Variants in ANKS1B observed in about 807,000 individuals in gnomAD.
The protein encoded by ANKS1B is ankyrin repeat and sterile alpha motif domain-containing protein 1B.
A neutral mutation model predicts 148.3 loss-of-function variants in ANKS1B; 36 were observed. That is an observed-to-expected ratio of 0.24 (90% CI 0.19 to 0.32). The LOEUF (loss-of-function observed/expected upper bound fraction) is 0.32. ANKS1B is among the 10% of genes least tolerant of loss of function. The pLI is 1.00. For missense variants in ANKS1B, 1,157 were observed against 1,542.6 expected, an observed-to-expected ratio of 0.75 and a Z score of 4.19; for synonymous variants, 542 against 560.8, an observed-to-expected ratio of 0.97 and a Z score of 0.47.
At chr12:99,039,997 C>T (rs187266853) in intron 17 of ANKS1B, among the ~76,000 whole-genome samples, 73 of 152,252 alleles carry the variant, frequency 4.8e-4, no homozygotes, top group African/African-American at 1.7e-3. Flanking sequence ...TGCAGCCAGT[C>T]ACAAGGAGAT....
intron 17 of ANKS1B, among the ~76,000 whole-genome samples, chr12:98,848,648 T>G (rs1209073319): frequency 6.7e-6 from 1 of 150,310 alleles, no homozygotes; most frequent in African/African-American, 2.5e-5. Flanking sequence ...AACCTCCTCC[T>G]CCCAGGTTCA....
At chr12:99,007,415 C>T (rs566823931) in intron 17 of ANKS1B, among the ~76,000 whole-genome samples, 1 of 152,228 alleles carries the variant, frequency 6.6e-6, no homozygotes, top group Admixed American at 6.5e-5. Context: ...CTTCTATAAC[C>T]TGTTTATTGA....
At chr12:98,907,430 C>T (rs2152816435) in intron 17 of ANKS1B, among the ~76,000 whole-genome samples, 1 of 152,318 alleles carries the variant, frequency 6.6e-6, no homozygotes, top group Admixed American at 6.5e-5. Context: ...CTCCCTGTCT[C>T]ATGCTGGTCC....
intron 15 of ANKS1B, among the ~76,000 whole-genome samples, chr12:99,092,474 A>G (rs1250817134): frequency 6.6e-6 from 1 of 151,710 alleles, no homozygotes; most frequent in African/African-American, 2.4e-5. Flanking sequence ...GAAGCTGAAA[A>G]AAAAAAAAAA....
chr12:99,926,345 A>G (rs192545355), intron 1 of ANKS1B, among the ~76,000 whole-genome samples: 118 of 152,356 alleles, frequency 7.7e-4, no homozygotes, highest in Non-Finnish European at 8.5e-4. Context: ...AGGTGTTTAA[A>G]TCGGTAGACT....
At chr12:98,924,880 A>C (rs980451605) in intron 17 of ANKS1B, among the ~76,000 whole-genome samples, 1 of 152,248 alleles carries the variant, frequency 6.6e-6, no homozygotes, top group African/African-American at 2.4e-5. Flanking sequence ...ATAATAGTGC[A>C]GACTAATTTC....
intron 14 of ANKS1B, among the ~76,000 whole-genome samples, chr12:99,156,977 T>A (rs955151758): frequency 6.6e-6 from 1 of 152,210 alleles, no homozygotes; most frequent in Non-Finnish European, 1.5e-5. Context: ...TAAAATAAGA[T>A]AACTTGTTTT....
intron 11 of ANKS1B, among the ~76,000 whole-genome samples, chr12:99,416,876 G>T (rs1194358413): frequency 6.6e-6 from 1 of 152,098 alleles, no homozygotes; most frequent in Non-Finnish European, 1.5e-5. Flanking sequence ...AACCAGAGGT[G>T]CTAGTCACAC....
chr12:99,043,051 G>A (rs962203407), intron 17 of ANKS1B, among the ~76,000 whole-genome samples: 4 of 152,092 alleles, frequency 2.6e-5, no homozygotes, highest in Non-Finnish European at 5.9e-5. Context: ...TCATGTAGAT[G>A]GTTGTCTTCC....
chr12:99,813,875 G>A (rs2068750476), intron 2 of ANKS1B, among the ~76,000 whole-genome samples: 1 of 151,692 alleles, frequency 6.6e-6, no homozygotes, highest in Non-Finnish European at 1.5e-5. Context: ...ACCTGAGGCT[G>A]TGATTCCGGA....
chr12:99,157,273 C>A (rs967050030), intron 14 of ANKS1B, among the ~76,000 whole-genome samples: 1 of 152,200 alleles, frequency 6.6e-6, no homozygotes, highest in African/African-American at 2.4e-5. Flanking sequence ...ATTATAGCTT[C>A]TCCTAGGATC....
At chr12:98,901,296 T>C (rs1354644485) in intron 17 of ANKS1B, among the ~76,000 whole-genome samples, 1 of 152,204 alleles carries the variant, frequency 6.6e-6, no homozygotes. Flanking sequence ...ATTAGCTGAT[T>C]CCTGGTAGTT....
At chr12:98,894,283 T>G (rs1439449275) in intron 17 of ANKS1B, among the ~76,000 whole-genome samples, 1 of 151,494 alleles carries the variant, frequency 6.6e-6, no homozygotes, top group South Asian at 2.1e-4. Flanking sequence ...TTGGAAAATA[T>G]ACACTGTTAA....
In ANKS1B at chr12:99,220,951, T is replaced by A. The variant is rs144429822; in HGVS notation, c.2419+23391A>T. ...ATTATAATAAGATTCTTATATAATC[T>A]GGAAGTGAGGGAGGCCTTTTTAATA... On this transcript the variant is annotated intron_variant, in intron 14 of 26. Transcript: ENST00000683438. Among the ~76,000 whole-genome samples, 26 of 152,268 alleles carry A rather than the reference T, an allele frequency of 1.7e-4. No individual in the cohort carries two copies. In the East Asian group the frequency reaches 4.6e-3, roughly 27 times the overall value.
intron 14 of ANKS1B, among the ~76,000 whole-genome samples, chr12:99,212,780 T>A (rs2083525549): frequency 6.6e-6 from 1 of 152,200 alleles, no homozygotes; most frequent in Non-Finnish European, 1.5e-5. Context: ...TTGTATACCT[T>A]GAGACTTCCC....
chr12:99,932,020 A>G (rs1289846251), intron 1 of ANKS1B, among the ~76,000 whole-genome samples: 2 of 152,130 alleles, frequency 1.3e-5, no homozygotes, highest in Non-Finnish European at 2.9e-5. Flanking sequence ...GAGAACATGC[A>G]AAGTTTCTCT....
intron 16 of ANKS1B, among the ~76,000 whole-genome samples, chr12:99,084,576 G>C (rs918735022): frequency 1.3e-5 from 2 of 152,088 alleles, no homozygotes; most frequent in Non-Finnish European, 2.9e-5. Flanking sequence ...AAATTAGCCA[G>C]GCATGGTGGT....
intron 14 of ANKS1B, among the ~76,000 whole-genome samples, chr12:99,175,671 G>A (rs1484171998): frequency 2.6e-5 from 4 of 151,942 alleles, no homozygotes; most frequent in African/African-American, 9.7e-5. Context: ...ATTAATACAG[G>A]AAAAAATAAT....
At chr12:99,790,045 A>G (rs1443145738) in intron 4 of ANKS1B, among the ~76,000 whole-genome samples, 6 of 152,194 alleles carry the variant, frequency 3.9e-5, no homozygotes, top group African/African-American at 1.2e-4. Flanking sequence ...TAACCCAAAG[A>G]AGGCTACTTC....
Sources: allele counts gnomAD v4.1 joint callset (sites outside exome capture counted in the v4.1 genomes callset), GRCh38; gene constraint gnomAD v4.1.1; transcripts MANE v1.5; gene names NCBI Gene and HGNC (gene_info 2026-07-23, HGNC 2026-07-21).